ABR: variants seen among roughly 807,000 people sequenced by gnomAD.
ABR encodes the protein active breakpoint cluster region-related protein.
Under a neutral mutation model 107.2 loss-of-function variants are expected in ABR, and 35 were observed. That is an observed-to-expected ratio of 0.33 (90% CI 0.25 to 0.43). The LOEUF (loss-of-function observed/expected upper bound fraction) is 0.43. Ranked by LOEUF, ABR falls within the 20% of genes least tolerant of loss-of-function variation. The probability of loss-of-function intolerance (pLI) is 1.00; values close to 1 mark genes in which losing one functional copy is unlikely to be tolerated. For missense variants in ABR, 815 were observed against 1,115.2 expected, an observed-to-expected ratio of 0.73 and a Z score of 3.83; for synonymous variants, 498 against 462.0, an observed-to-expected ratio of 1.08 and a Z score of -1.00.
chr17:1,199,780 GT>G (rs557075388), intron 1 of ABR, among the ~76,000 whole-genome samples: 27 of 148,804 alleles, frequency 1.8e-4, no homozygotes, highest in Admixed American at 8.0e-4. Flanking sequence ...AGTTTATTCA[GT>G]TTTTTTTTTC....
At chr17:1,025,521 T>A (rs1331417303) in intron 16 of ABR, among the ~76,000 whole-genome samples, 3 of 152,118 alleles carry the variant, frequency 2.0e-5, no homozygotes, top group African/African-American at 7.2e-5. Flanking sequence ...GGGCCCCACG[T>A]CGCCTGGCCG....
chr17:1,226,421 G>A (rs1447060272), intron 1 of ABR, among the ~76,000 whole-genome samples: 1 of 152,122 alleles, frequency 6.6e-6, no homozygotes, highest in African/African-American at 2.4e-5. Context: ...ATGTGGCAGT[G>A]TGCCATGTAT....
intron 2 of ABR, chr17:1,109,165 G>T: frequency 1.4e-6 from 2 of 1,383,022 alleles, no homozygotes; most frequent in Non-Finnish European, 1.9e-6. Flanking sequence ...GGGGGGGCAG[G>T]TCTACACCCG....
chr17:1,228,721 G>A (rs1040662479), intron 1 of ABR: 1 of 151,982 alleles, frequency 6.6e-6, no homozygotes, highest in Non-Finnish European at 1.5e-5. Flanking sequence ...GGAGTCGGCC[G>A]GGAAGGGGTC....
At chr17:1,007,640 C>A (rs1329767749) in intron 21 of ABR, among the ~76,000 whole-genome samples, 2 of 152,234 alleles carry the variant, frequency 1.3e-5, no homozygotes, top group Non-Finnish European at 2.9e-5. Context: ...CTCCCTGGAA[C>A]AACTCACACT....
At chr17:1,173,013 TCCACCCAACACATCACCTCAGC>T (rs1567857446) in intron 1 of ABR, among the ~76,000 whole-genome samples, 19 of 12,152 alleles carry the variant, frequency 1.6e-3, no homozygotes, top group South Asian at 0.011. Context: ...ATCACCTCAG[TCCACCCAACACATCACCTCAGC>T]CCACCCAACA....
chr17:1,048,733 C>T (rs1013925757), intron 16 of ABR, among the ~76,000 whole-genome samples: 3 of 149,822 alleles, frequency 2.0e-5, no homozygotes, highest in South Asian at 2.1e-4. Flanking sequence ...GCCTGGATCA[C>T]GTCCGGGGCC....
At chr17:1,188,394 CA>C (rs1196920055), upstream of ABR, among the ~76,000 whole-genome samples, 3 of 151,778 alleles carry the variant, frequency 2.0e-5, no homozygotes, top group East Asian at 5.8e-4. Flanking sequence ...ACTAAAAATA[CA>C]AAAAATCATC....
Position 1,086,613 on chromosome 17 carries a change from G to C in ABR, c.532-2986C>G, listed in dbSNP as rs2036608067. 2.0e-5 allele frequency among the ~76,000 whole-genome samples: 3 copies of C among 151,404 alleles called. No individual in the cohort carries two copies. In the South Asian group the frequency reaches 6.2e-4, roughly 31 times the overall value. ...CCTCCTGGGTTCAAGTGATTCTCCT[G>C]CCTCAGCCTCCTGACTAACTGGGAC... On this transcript the variant is annotated intron_variant, in intron 4 of 22. Coordinates refer to ENST00000302538, the MANE Select transcript of ABR (RefSeq NM_021962.5).
intron 16 of ABR, among the ~76,000 whole-genome samples, chr17:1,038,725 G>T (rs2150964979): frequency 6.6e-6 from 1 of 152,352 alleles, no homozygotes; most frequent in East Asian, 1.9e-4. Flanking sequence ...CCGCAGGCTT[G>T]AGGGAGGCCA....
chr17:1,068,295 C>T (rs1214690054), intron 9 of ABR, among the ~76,000 whole-genome samples: 1 of 152,268 alleles, frequency 6.6e-6, no homozygotes, highest in African/African-American at 2.4e-5. Flanking sequence ...ATTTGCACTT[C>T]TCATTCTGAC....
intron 1 of ABR, among the ~76,000 whole-genome samples, chr17:1,216,401 C>T (rs1307257343): frequency 2.0e-5 from 3 of 152,284 alleles, no homozygotes; most frequent in East Asian, 1.9e-4. Flanking sequence ...TCCGAGTCTT[C>T]CTCTGTTCCC....
In ABR at chr17:1,027,394, CAG is replaced by C. The variant is rs975959005; in HGVS notation, c.1792-14232_1792-14231del. Among the ~76,000 whole-genome samples the C allele has an allele frequency of 1.4e-4, 21 of 152,224 alleles. No individual in the cohort carries two copies. Among genetic ancestry groups the C allele is most frequent in the African/African-American group, 4.8e-4 (20 of 41,476 alleles). On this transcript the variant is annotated intron_variant, in intron 16 of 22. Transcript: ENST00000302538. The surrounding 1 kb of genome is among the most constrained non-coding windows in gnomAD (Gnocchi z 4.7). ...CTGCAGCCCCCTCTGAAGTCGCACACAGTGTGTGCATGGGGTGGCTCTGTGTC... is the reference window on the plus strand; with the variant it reads ...CTGCAGCCCCCTCTGAAGTCGCACACTGTGTGCATGGGGTGGCTCTGTGTC...
intron 5 of ABR, among the ~76,000 whole-genome samples, chr17:1,081,440 G>A (rs954572210): frequency 3.3e-5 from 5 of 152,120 alleles, no homozygotes; most frequent in Admixed American, 6.6e-5. Context: ...CCAGGCAGAG[G>A]GTGACACATC....
intron 1 of ABR, among the ~76,000 whole-genome samples, chr17:1,142,002 C>G (rs940389639): frequency 6.6e-6 from 1 of 152,044 alleles, no homozygotes; most frequent in African/African-American, 2.4e-5. Context: ...AGGTGATCCA[C>G]CTGCCTCGGC....
chr17:1,015,316 G>A (rs1484523725), intron 16 of ABR, among the ~76,000 whole-genome samples: 1 of 151,422 alleles, frequency 6.6e-6, no homozygotes, highest in East Asian at 2.0e-4. Context: ...CTACTTGGGA[G>A]GCTGAGATGG....
At chr17:1,220,590 C>CA (rs1598149609) in intron 1 of ABR, among the ~76,000 whole-genome samples, 1 of 152,090 alleles carries the variant, frequency 6.6e-6, no homozygotes, top group Admixed American at 6.6e-5. Context: ...GCCCAGTTTC[C>CA]AAAACAGCCA....
intron 5 of ABR, among the ~76,000 whole-genome samples, chr17:1,079,807 A>G (rs1280487223): frequency 9.7e-6 from 1 of 103,312 alleles, no homozygotes; most frequent in African/African-American, 6.7e-5. Flanking sequence ...AAAAAAAAAA[A>G]AAAAAAAAAA....
chr17:1,118,524 CCTGAGCCTGAGTTCTCCCCAGCGTTATCG>C (rs2039166373), intron 2 of ABR, among the ~76,000 whole-genome samples: 2 of 8,078 alleles, frequency 2.5e-4, no homozygotes, highest in Admixed American at 1.3e-3. Flanking sequence ...CAGCGTTATC[CCTGAGCCTGAGTTCTCCCCAGCGTTATCG>C]CTGAGCCTGA....
Sources: allele counts gnomAD v4.1 joint callset (sites outside exome capture counted in the v4.1 genomes callset), GRCh38; gene constraint gnomAD v4.1.1; non-coding constraint Gnocchi (gnomAD v3.1); transcripts MANE v1.5; gene names NCBI Gene and HGNC (gene_info 2026-07-23, HGNC 2026-07-21).